TECRL: variants seen among roughly 807,000 people sequenced by gnomAD.
TECRL encodes the protein trans-2,3-enoyl-CoA reductase-like.
TECRL carries 63 observed loss-of-function variants against 52.8 expected under a neutral mutation model. The ratio of observed to expected loss-of-function variants is 1.19; its 90% CI spans 0.97 to 1.47. The LOEUF is 1.47. Among genes scored for constraint, TECRL ranks in the 40% most tolerant of loss-of-function variants. The pLI is 0.00. For missense variants in TECRL, 482 were observed against 429.6 expected (o/e 1.12, Z -1.08); for synonymous variants, 164 against 141.9 (o/e 1.16, Z -1.10).
At chr4:64,339,605 C>T (rs1231954672) in intron 2 of TECRL, among the ~76,000 whole-genome samples, 1 of 152,052 alleles carries the variant, frequency 6.6e-6, no homozygotes, top group East Asian at 1.9e-4. Context: ...CTCTCCTCCA[C>T]TATTTACTTA....
At position 64,289,567 on chromosome 4, in the gene TECRL, A is replaced by G. The variant is rs116187793; in HGVS notation, c.832+143T>C. ...AGACTTGGTTCAAATATTTGGAAAAACTAGACATAAAAGGGAAAAAATGTG... is the reference window on the plus strand; with the variant it reads ...AGACTTGGTTCAAATATTTGGAAAAGCTAGACATAAAAGGGAAAAAATGTG... On this transcript the variant is annotated intron_variant, in intron 9 of 11. Transcript: ENST00000381210. 1,321 of 651,844 alleles carry G rather than the reference A, an allele frequency of 2.0e-3. 8 individuals carry two copies. In the African/African-American group the frequency reaches 0.023, roughly 11 times the overall value. 40.4% of individuals were successfully genotyped at this position (651,844 alleles called of 1,614,324 possible). A position where few individuals can be genotyped will look rare whatever the true frequency, so the allele number is the denominator to read the frequency against.
intron 1 of TECRL, among the ~76,000 whole-genome samples, chr4:64,396,387 C>T (rs552914287): frequency 8.5e-5 from 13 of 152,166 alleles, no homozygotes; most frequent in Middle Eastern, 3.4e-3. Context: ...GATGGTTTCT[C>T]ATTGTGGATT....
intron 1 of TECRL, among the ~76,000 whole-genome samples, chr4:64,387,081 C>T (rs536328761): frequency 2.0e-5 from 3 of 152,290 alleles, no homozygotes; most frequent in East Asian, 1.9e-4. Flanking sequence ...CTGTGCTTCA[C>T]ACCCCATCCC....
At chr4:64,369,522 G>A (rs557144850) in intron 2 of TECRL, among the ~76,000 whole-genome samples, 150 of 152,058 alleles carry the variant, frequency 9.9e-4, no homozygotes, top group African/African-American at 3.3e-3. Flanking sequence ...AAATAACTGG[G>A]TACTACGGGG....
intron 1 of TECRL, among the ~76,000 whole-genome samples, chr4:64,390,065 T>C (rs1398927142): frequency 2.0e-5 from 3 of 151,884 alleles, no homozygotes; most frequent in African/African-American, 7.2e-5. Context: ...CTGCTGGTTC[T>C]TACTGTTTTA....
intron 2 of TECRL, among the ~76,000 whole-genome samples, chr4:64,356,232 G>A (rs536567264): frequency 4.6e-5 from 7 of 152,266 alleles, no homozygotes; most frequent in South Asian, 2.1e-4. Context: ...CTCCCCATGT[G>A]ATAGTCTGAA....
At chr4:64,307,937 A>G (rs556347225) in intron 6 of TECRL, among the ~76,000 whole-genome samples, 24 of 152,244 alleles carry the variant, frequency 1.6e-4, no homozygotes, top group African/African-American at 5.8e-4. Context: ...ATATGGGAAG[A>G]TGGAGGAGAA....
Position 64,278,142 on chromosome 4 carries a change from T to G in TECRL, c.*1930A>C, listed in dbSNP as rs553346549. ...AGAAGATGTATAAATATAATTTACATACAAATATAATCTATATATTTCAAA... is the reference window on the plus strand; with the variant it reads ...AGAAGATGTATAAATATAATTTACAGACAAATATAATCTATATATTTCAAA... On this transcript the variant is annotated 3_prime_UTR_variant, in exon 12 of 12. Coordinates refer to ENST00000381210, the MANE Select transcript of TECRL (RefSeq NM_001010874.5). 4 of 151,632 alleles carry G rather than the reference T, an allele frequency of 2.6e-5. No individual in the cohort carries two copies. In the East Asian group the frequency reaches 7.7e-4, roughly 29 times the overall value. The allele number at this position is 151,632 out of a possible 1,614,324, so 9.4% of individuals were successfully genotyped here. A position where few individuals can be genotyped will look rare whatever the true frequency, so the allele number is the denominator to read the frequency against.
chr4:64,289,367 A>T (rs1373355016), intron 9 of TECRL, among the ~76,000 whole-genome samples: 1 of 152,194 alleles, frequency 6.6e-6, no homozygotes, highest in African/African-American at 2.4e-5. Context: ...TACAAGTGGG[A>T]TCAATATTGA....
intron 4 of TECRL, among the ~76,000 whole-genome samples, chr4:64,317,199 A>C (rs907428511): frequency 1.3e-5 from 2 of 152,092 alleles, no homozygotes; most frequent in Non-Finnish European, 2.9e-5. Flanking sequence ...AATGGCGTGA[A>C]CCTGGGAGGC....
rs544684716 is a variant in TECRL, at chr4:64,394,754, G to T, written c.234+14364C>A. On this transcript the variant is annotated intron_variant, in intron 1 of 11. Transcript: ENST00000381210. ...AAATTTATTGGGCATTTACTGTGCA[G>T]CAGGTACTACTTTACTACGTATACA... Among the ~76,000 whole-genome samples, 8 of 152,188 alleles carry T rather than the reference G, an allele frequency of 5.3e-5. No individual in the cohort carries two copies. In the South Asian group the frequency reaches 6.2e-4, roughly 12 times the overall value.
intron 2 of TECRL, among the ~76,000 whole-genome samples, chr4:64,339,382 G>T (rs1719377847): frequency 6.6e-6 from 1 of 151,682 alleles, no homozygotes. Flanking sequence ...CATGGCACAT[G>T]TATACATATG....
chr4:64,306,388 T>TA (rs1322361586), intron 6 of TECRL, among the ~76,000 whole-genome samples: 2 of 152,176 alleles, frequency 1.3e-5, no homozygotes, highest in African/African-American at 4.8e-5. Flanking sequence ...ATCTTGGTGT[T>TA]ACGCAAAGGC....
At chr4:64,351,542 G>C (rs1327673134) in intron 2 of TECRL, among the ~76,000 whole-genome samples, 1 of 151,712 alleles carries the variant, frequency 6.6e-6, no homozygotes, top group African/African-American at 2.4e-5. Context: ...CAAAGTTCTG[G>C]GATTACAAGA....
chr4:64,300,319 A>G (rs1386949908), intron 7 of TECRL, among the ~76,000 whole-genome samples: 1 of 150,828 alleles, frequency 6.6e-6, no homozygotes, highest in Non-Finnish European at 1.5e-5. Context: ...ACACTTAAGT[A>G]TGGCCAAGCA....
rs755799167 is a variant in TECRL at position 64,322,689 on chromosome 4, T to TAA, written c.434_435insTT (p.Val146Ter). 2 of 1,587,624 alleles carry TAA rather than the reference T, an allele frequency of 1.3e-6. No individual in the cohort carries two copies. Among genetic ancestry groups the TAA allele is most frequent in the Non-Finnish European group, 1.7e-6 (2 of 1,166,232 alleles). The stretch of plus-strand genomic sequence containing the variant: ...TATTACATTTCAAATTAACACTTAC[T>TAA]GTGGTCCAACTGACTTGTTGACCTA... On this transcript the variant is annotated frameshift_variant and splice_region_variant, in exon 4 of 12. Coordinates refer to ENST00000381210, the MANE Select transcript of TECRL (RefSeq NM_001010874.5). LOFTEE classifies it high-confidence loss of function.
At chr4:64,368,242 C>G (rs1001817905) in intron 2 of TECRL, among the ~76,000 whole-genome samples, 1 of 152,114 alleles carries the variant, frequency 6.6e-6, no homozygotes, top group African/African-American at 2.4e-5. Context: ...ATTTCTCCAT[C>G]TAAAATGTTG....
At chr4:64,280,393 T>G (rs2109921547) in intron 11 of TECRL, among the ~76,000 whole-genome samples, 194 bp from the exon 12 acceptor site, 1 of 152,018 alleles carries the variant, frequency 6.6e-6, no homozygotes, top group South Asian at 2.1e-4. Context: ...ACACAGAAAA[T>G]ACATTAAAAA....
chr4:64,307,434 G>A (rs1031545706), intron 6 of TECRL, among the ~76,000 whole-genome samples: 1 of 152,076 alleles, frequency 6.6e-6, no homozygotes, highest in South Asian at 2.1e-4. Flanking sequence ...GCATCCACAG[G>A]TGACACCTAT....
Sources: gnomAD v4.1 joint callset for allele counts (sites outside exome capture counted in the v4.1 genomes callset) on GRCh38, gnomAD v4.1.1 for gene constraint, MANE v1.5 for transcripts, NCBI Gene and HGNC (gene_info 2026-07-23, HGNC 2026-07-21) for gene names.